The following MGAT4C variants were observed in gnomAD, a reference collection of about 807,000 sequenced individuals.
MGAT4C encodes alpha-1,3-mannosyl-glycoprotein 4-beta-N-acetylglucosaminyltransferase C.
In MGAT4C, 19 loss-of-function variants were observed where a neutral mutation model predicts 40.1. The observed-to-expected ratio is 0.47, with a 90% CI of 0.33 to 0.70. The LOEUF (loss-of-function observed/expected upper bound fraction) is 0.70. Among genes scored for constraint, MGAT4C ranks in the 30% least tolerant of loss-of-function variants. The pLI, the probability that MGAT4C is intolerant of heterozygous loss-of-function variation, is 0.02. For synonymous variants in MGAT4C, 181 were observed against 187.1 expected (o/e 0.97, Z 0.27); for missense variants, 491 against 563.2 (o/e 0.87, Z 1.30).
intron 2 of MGAT4C, among the ~76,000 whole-genome samples, chr12:86,641,283 A>G (rs1963378344): frequency 6.6e-6 from 1 of 150,728 alleles, no homozygotes; most frequent in Admixed American, 6.7e-5. Flanking sequence ...AAAACCAAAC[A>G]CCACATATTC....
chr12:86,364,000 A>AT lies in MGAT4C; in HGVS notation c.-119-29874_-119-29873insA, dbSNP rs1491276005. Among the ~76,000 whole-genome samples the AT allele has an allele frequency of 2.6e-5, 4 of 152,010 alleles. No individual in the cohort carries two copies. The East Asian group carries it at 7.8e-4, about 29-fold the overall frequency. ...CACACACACACACACACAGAGACAC[A>AT]AACACACACATACAAAATAGATATC... On this transcript the variant is annotated intron_variant, in intron 3 of 7. Coordinates refer to the MGAT4C transcript ENST00000548651.
intron 1 of MGAT4C, among the ~76,000 whole-genome samples, chr12:86,733,877 C>G (rs2136122823): frequency 6.6e-6 from 1 of 152,170 alleles, no homozygotes; most frequent in South Asian, 2.1e-4. Context: ...GAAGACAATT[C>G]TGTTTATGAA....
chr12:86,818,688 G>GA (rs1360896885), intron 1 of MGAT4C, among the ~76,000 whole-genome samples: 9 of 150,474 alleles, frequency 6.0e-5, no homozygotes, highest in African/African-American at 2.2e-4. Context: ...AGCTTCTAAA[G>GA]AAAAAACGAC....
chr12:86,411,849 C>G (rs1956612746), intron 3 of MGAT4C, among the ~76,000 whole-genome samples: 1 of 152,134 alleles, frequency 6.6e-6, no homozygotes, highest in Admixed American at 6.6e-5. Flanking sequence ...AATGGTTTTT[C>G]AGGCCAGACT....
At chr12:86,632,434 C>G (rs1382341534) in intron 2 of MGAT4C, among the ~76,000 whole-genome samples, 1 of 152,104 alleles carries the variant, frequency 6.6e-6, no homozygotes, top group Non-Finnish European at 1.5e-5. Context: ...ATAAATCATG[C>G]TACTATAAAG....
chr12:86,486,793 C>T (rs1038438306), intron 2 of MGAT4C, among the ~76,000 whole-genome samples: 1 of 152,130 alleles, frequency 6.6e-6, no homozygotes, highest in South Asian at 2.1e-4. Context: ...CATGTGCCCA[C>T]AAAACATTCT....
intron 4 of MGAT4C, among the ~76,000 whole-genome samples, chr12:86,329,001 G>GCTA (rs1275635279): frequency 6.6e-6 from 1 of 151,644 alleles, no homozygotes; most frequent in Non-Finnish European, 1.5e-5. Context: ...TACTTGGGAA[G>GCTA]CTAAGGCAGG....
At chr12:86,443,841 G>A (rs1356304591) in intron 2 of MGAT4C, among the ~76,000 whole-genome samples, 1 of 152,006 alleles carries the variant, frequency 6.6e-6, no homozygotes, top group South Asian at 2.1e-4. Flanking sequence ...TGATGCGCCC[G>A]CCTCGGCTTC....
intron 1 of MGAT4C, among the ~76,000 whole-genome samples, chr12:86,199,928 G>T (rs938919714): frequency 6.6e-6 from 1 of 151,926 alleles, no homozygotes; most frequent in African/African-American, 2.4e-5. Context: ...ATATTAAGAT[G>T]AATTTTGACA....
intron 3 of MGAT4C, among the ~76,000 whole-genome samples, chr12:86,422,540 T>C (rs554696068): frequency 2.6e-5 from 4 of 152,300 alleles, no homozygotes; most frequent in Non-Finnish European, 4.4e-5. Context: ...GAATGTGCTG[T>C]AGACTAAATC....
At chr12:86,812,473 C>G (rs1170028893) in intron 1 of MGAT4C, among the ~76,000 whole-genome samples, 2 of 151,866 alleles carry the variant, frequency 1.3e-5, no homozygotes, top group East Asian at 1.9e-4. Flanking sequence ...AATTTTGAAG[C>G]TTTCTTGTTT....
intron 2 of MGAT4C, among the ~76,000 whole-genome samples, chr12:86,007,033 G>T (rs1039473245): frequency 6.6e-6 from 1 of 151,964 alleles, no homozygotes; most frequent in Non-Finnish European, 1.5e-5. Context: ...TCTAATAATT[G>T]TGAATCATAT....
intron 3 of MGAT4C, among the ~76,000 whole-genome samples, chr12:86,343,666 T>C (rs1174249967): frequency 6.6e-6 from 1 of 152,140 alleles, no homozygotes; most frequent in Non-Finnish European, 1.5e-5. Flanking sequence ...TACATGAAGA[T>C]ACAACACTAT....
intron 2 of MGAT4C, among the ~76,000 whole-genome samples, chr12:86,719,052 A>G (rs1272604687): frequency 6.6e-6 from 1 of 152,154 alleles, no homozygotes; most frequent in East Asian, 1.9e-4. Flanking sequence ...TTTTTCTACC[A>G]TATTCTGTTC....
chr12:86,298,942 C>T (rs1953745811), intron 4 of MGAT4C, among the ~76,000 whole-genome samples: 1 of 151,880 alleles, frequency 6.6e-6, no homozygotes, highest in African/African-American at 2.4e-5. Flanking sequence ...AAATTATCAC[C>T]AATGAGTGCA....
chr12:86,518,255 CGAAA>C (rs1385865356), intron 2 of MGAT4C, among the ~76,000 whole-genome samples: 6 of 151,964 alleles, frequency 3.9e-5, no homozygotes, highest in Non-Finnish European at 8.8e-5. Flanking sequence ...TTTTGTTCTC[CGAAA>C]GAAACTACTA....
intron 1 of MGAT4C, among the ~76,000 whole-genome samples, chr12:86,219,989 C>A (rs904515019): frequency 3.9e-5 from 6 of 151,972 alleles, no homozygotes; most frequent in African/African-American, 1.2e-4. Flanking sequence ...GATTGAGAAC[C>A]CAGAGATTGG....
At chr12:86,439,556 C>T (rs1957192677) in intron 2 of MGAT4C, among the ~76,000 whole-genome samples, 1 of 151,972 alleles carries the variant, frequency 6.6e-6, no homozygotes, top group Non-Finnish European at 1.5e-5. Context: ...CCTAACATCA[C>T]ACCACAAGAA....
intron 3 of MGAT4C, among the ~76,000 whole-genome samples, chr12:86,386,333 G>A (rs1013182749): frequency 3.3e-5 from 5 of 152,134 alleles, no homozygotes; most frequent in African/African-American, 1.2e-4. Flanking sequence ...ACAGAGAAGA[G>A]TAGTGTGTTT....
Sources: allele counts gnomAD v4.1 joint callset (sites outside exome capture counted in the v4.1 genomes callset), GRCh38; gene constraint gnomAD v4.1.1; transcripts MANE v1.5; gene names NCBI Gene and HGNC (gene_info 2026-07-23, HGNC 2026-07-21).